SGCE: variants seen among roughly 807,000 people sequenced by gnomAD.
SGCE encodes epsilon-sarcoglycan.
Under a neutral mutation model 57.8 loss-of-function variants are expected in SGCE, and 26 were observed. That is an observed-to-expected ratio of 0.45 (90% CI 0.33 to 0.62). The LOEUF is 0.62. SGCE is among the 20% of genes least tolerant of loss of function. SGCE has a pLI of 0.02. For missense variants in SGCE, 468 were observed against 548.6 expected (o/e 0.85, Z 1.47); for synonymous variants, 183 against 189.5 (o/e 0.97, Z 0.28).
chr7:94,603,165 G>C (rs1346862164), intron 6 of SGCE, 125 bp downstream of exon 6: 3 of 700,632 alleles, frequency 4.3e-6, no homozygotes, highest in Non-Finnish European at 7.4e-6. Flanking sequence ...TTAATCTCAA[G>C]GGAAGTCAAC....
At chr7:94,644,209 A>G (rs1435928383) in intron 1 of SGCE, among the ~76,000 whole-genome samples, 1 of 152,238 alleles carries the variant, frequency 6.6e-6, no homozygotes, top group African/African-American at 2.4e-5. Context: ...CATCTTTTCA[A>G]TGTTCCCCCT....
At chr7:94,606,564 A>C (rs1800175409) in intron 5 of SGCE, among the ~76,000 whole-genome samples, 1 of 152,222 alleles carries the variant, frequency 6.6e-6, no homozygotes. Flanking sequence ...AGAAATGGAC[A>C]CAACCAGCAG....
intron 9 of SGCE, chr7:94,590,711 T>C (rs1031876805): frequency 6.0e-4 from 92 of 152,292 alleles, no homozygotes; most frequent in African/African-American, 2.1e-3. Flanking sequence ...AATGTGAGGT[T>C]GCCTGGGTTG....
rs547555577 is a variant in SGCE, at chr7:94,585,680, GAAAAC to G, written c.1298-170_1298-166del. On this transcript the variant is annotated intron_variant, in intron 10 of 10. Transcript: ENST00000648936. Reference sequence around the variant, plus strand: ...CTGTATTTGGTTTTTTTAAAAAACAGAAAACAAAAGAAAAAATTCTAAATTAGTCT... The same window carrying G: ...CTGTATTTGGTTTTTTTAAAAAACAGAAAAGAAAAAATTCTAAATTAGTCT... Among the ~76,000 whole-genome samples the G allele has an allele frequency of 1.1e-4, 16 of 152,110 alleles. No homozygotes were observed. In the East Asian group the frequency reaches 3.1e-3, roughly 29 times the overall value.
At chr7:94,644,167 A>G (rs967084514) in intron 1 of SGCE, among the ~76,000 whole-genome samples, 2 of 152,246 alleles carry the variant, frequency 1.3e-5, no homozygotes, top group South Asian at 4.1e-4. Flanking sequence ...CATTCACACA[A>G]TTAGCCAGGA....
At chr7:94,642,147 A>AC (rs1308361790) in intron 1 of SGCE, among the ~76,000 whole-genome samples, 1 of 151,880 alleles carries the variant, frequency 6.6e-6, no homozygotes, top group African/African-American at 2.4e-5. Flanking sequence ...AATCCACAGC[A>AC]CCCCCCAAAA....
intron 4 of SGCE, among the ~76,000 whole-genome samples, chr7:94,622,881 A>G (rs1401414919): frequency 6.6e-6 from 1 of 152,170 alleles, no homozygotes; most frequent in Non-Finnish European, 1.5e-5. Context: ...CAGAAACCCT[A>G]TATTATCACA....
At chr7:94,637,805 A>G (rs771912852) in intron 1 of SGCE, among the ~76,000 whole-genome samples, 13 of 152,334 alleles carry the variant, frequency 8.5e-5, no homozygotes, top group East Asian at 1.9e-4. Flanking sequence ...ACTGCAATCT[A>G]GTGAAAAATG....
chr7:94,629,642 CAT>C (rs1172253151), intron 2 of SGCE, 75 bp downstream of exon 2: 3 of 1,246,794 alleles, frequency 2.4e-6, no homozygotes, highest in African/African-American at 3.0e-5. Flanking sequence ...GATATTTTAT[CAT>C]ATATGTCTAT....
rs1804064308 is a variant in SGCE at position 94,628,229 on chromosome 7, T to A, written c.363A>T (p.Glu121Asp). The A allele has an allele frequency of 6.2e-7, 1 of 1,611,760 alleles. No homozygotes were observed. Among genetic ancestry groups the A allele is most frequent in the African/African-American group, 1.3e-5 (1 of 74,904 alleles). ...DGVLYGSPTA[E>D]NVGKPTIIEI... Reference sequence around the variant, plus strand: ...CAATGATTGTTGGCTTCCCCACATTTTCAGCTGTTGGGGACCCATATAGGA... The same window carrying A: ...CAATGATTGTTGGCTTCCCCACATTATCAGCTGTTGGGGACCCATATAGGA... Residue 121 changes from glutamate (E) to aspartate (D), a missense_variant, in exon 3 of 11, where the codon GAA becomes GAT. Coordinates refer to ENST00000648936, the MANE Select transcript of SGCE (RefSeq NM_003919.3).
At chr7:94,604,954 G>T (rs1398741760) in intron 5 of SGCE, among the ~76,000 whole-genome samples, 1 of 150,176 alleles carries the variant, frequency 6.7e-6, no homozygotes, top group Non-Finnish European at 1.5e-5. Context: ...GAAATTCATG[G>T]TCCTGAGGCA....
intron 3 of SGCE, chr7:94,623,906 C>G: frequency 2.8e-6 from 1 of 360,240 alleles, no homozygotes; most frequent in Non-Finnish European, 4.9e-6. Flanking sequence ...ATCTCACTTA[C>G]GATGGGAGTA....
At chr7:94,637,758 A>ATT (rs1805794275) in intron 1 of SGCE, among the ~76,000 whole-genome samples, 1 of 152,204 alleles carries the variant, frequency 6.6e-6, no homozygotes, top group African/African-American at 2.4e-5. Flanking sequence ...GGTTCCAGGG[A>ATT]TCAAAGCTAA....
intron 10 of SGCE, 164 bp downstream of exon 10, chr7:94,588,525 T>G: frequency 6.9e-7 from 1 of 1,454,716 alleles, no homozygotes; most frequent in Non-Finnish European, 9.0e-7. Context: ...ATCTATGTAA[T>G]AATCTAAGCT....
rs1393115117 is a variant in SGCE, at chr7:94,600,705, T to G, written c.978A>C (p.Ala326=). The change falls in exon 7 of 11, where the codon GCA becomes GCC. Residue 326 remains alanine, a synonymous_variant. Coordinates refer to ENST00000648936, the MANE Select transcript of SGCE (RefSeq NM_003919.3). ...DFLITLAVPS[A]VALVLFLILA... is the part of the protein sequence containing the mutation. The stretch of plus-strand genomic sequence containing the variant: ...GTATTAGAAAAAGGACCAGTGCCAC[T>G]GCCGAGGGCACAGCCAGTGTAATTA... The G allele has an allele frequency of 3.7e-6, 6 of 1,613,938 alleles. No individual in the cohort carries two copies. The highest frequency in any genetic ancestry group is 4.2e-6 in the Non-Finnish European group (5 of 1,179,892).
In SGCE at chr7:94,639,298, A is replaced by C. The variant is rs138239604; in HGVS notation, c.110-9457T>G. 56 of 1,193,908 alleles carry C rather than the reference A, an allele frequency of 4.7e-5. No homozygotes were observed. The Middle Eastern group carries it at 1.1e-3, about 24-fold the overall frequency. The allele number at this position is 1,193,908 out of a possible 1,614,324, so 74.0% of individuals were successfully genotyped here. On this transcript the variant is annotated intron_variant, in intron 1 of 10. Transcript: ENST00000648936. Reference sequence around the variant, plus strand: ...AGAGACTATTGGAAGCAGACATTTAATTGGCTCCCCCAAAGGGATTTAGAT... The same window carrying C: ...AGAGACTATTGGAAGCAGACATTTACTTGGCTCCCCCAAAGGGATTTAGAT...
intron 9 of SGCE, chr7:94,590,735 A>G (rs540011177): frequency 6.6e-6 from 1 of 152,334 alleles, no homozygotes; most frequent in African/African-American, 2.4e-5. Context: ...CAAGGGAGTT[A>G]GGAATCCTGT....
chr7:94,587,115 T>G lies in SGCE; in HGVS notation c.1297+1574A>C, dbSNP rs117713497. On this transcript the variant is annotated intron_variant, in intron 10 of 10. Coordinates refer to ENST00000648936, the MANE Select transcript of SGCE (RefSeq NM_003919.3). The stretch of plus-strand genomic sequence containing the variant: ...GTTTCAGAAAAATAATTTTATAAAT[T>G]AGGTTAAACAACCTTAAAATCCCCT... 858 of 983,932 alleles carry G rather than the reference T, an allele frequency of 8.7e-4. 29 individuals carry two copies. In the East Asian group the frequency reaches 0.056, roughly 64 times the overall value. 61.0% of individuals were successfully genotyped at this position (983,932 alleles called of 1,614,324 possible).
intron 10 of SGCE, chr7:94,587,835 T>C (rs1162071570): frequency 1.3e-6 from 2 of 1,533,020 alleles, no homozygotes; most frequent in Non-Finnish European, 1.8e-6. Flanking sequence ...AAAGCAGTAA[T>C]AGAGAAGATA....
Sources: gnomAD v4.1 joint callset for allele counts (sites outside exome capture counted in the v4.1 genomes callset) on GRCh38, gnomAD v4.1.1 for gene constraint, MANE v1.5 for transcripts, NCBI Gene and HGNC (gene_info 2026-07-23, HGNC 2026-07-21) for gene names.